The following BMPR2 variants were observed in gnomAD, a reference collection of about 807,000 sequenced individuals.
BMPR2 encodes the protein bone morphogenetic protein receptor type-2.
A neutral mutation model predicts 100.8 loss-of-function variants in BMPR2; 29 were observed. The ratio of observed to expected loss-of-function variants is 0.29; its 90% CI spans 0.21 to 0.39. The LOEUF is 0.39. Among genes scored for constraint, BMPR2 ranks in the 10% least tolerant of loss-of-function variants. BMPR2 has a pLI of 1.00. For missense variants in BMPR2, 1,011 were observed against 1,274.5 expected (o/e 0.79, Z 3.15); for synonymous variants, 382 against 442.3 (o/e 0.86, Z 1.71).
rs187544428 is a variant in BMPR2, at chr2:202,453,867, A to G, written c.77-10942A>G. 2.9e-3 allele frequency among the ~76,000 whole-genome samples: 442 copies of G among 152,304 alleles called. 2 individuals carry two copies. The highest frequency in any genetic ancestry group is 0.01 in the African/African-American group (427 of 41,564). ...AGAATAAATGCTTAAGGGGATGCAT[A>G]TGCCATTTACCCTGATGTGATTGTT... On this transcript the variant is annotated intron_variant, in intron 1 of 12. Transcript: ENST00000374580.
At chr2:202,438,604 C>T (rs1393723259) in intron 1 of BMPR2, among the ~76,000 whole-genome samples, 5 of 150,466 alleles carry the variant, frequency 3.3e-5, no homozygotes, top group East Asian at 1.9e-4. Flanking sequence ...TTACGTTTTG[C>T]GTTTCTGATC....
rs1690172056 is a variant in BMPR2, at chr2:202,377,377, A to G, written c.-98A>G. The G allele has an allele frequency of 2.7e-6, 3 of 1,116,824 alleles. No individual in the cohort carries two copies. Among genetic ancestry groups the G allele is most frequent in the Non-Finnish European group, 1.4e-6 (1 of 726,064 alleles). The allele number at this position is 1,116,824 out of a possible 1,614,324, so 69.2% of individuals were successfully genotyped here. A position where few individuals can be genotyped will look rare whatever the true frequency, so the allele number is the denominator to read the frequency against. ...ACTGTATTGTGATACGGGCAGGATC[A>G]GTCCACGGGAGAGAAGACGAGCCTC... On this transcript the variant is annotated 5_prime_UTR_variant, in exon 1 of 13. Coordinates refer to ENST00000374580, the MANE Select transcript of BMPR2 (RefSeq NM_001204.7).
intron 1 of BMPR2, among the ~76,000 whole-genome samples, chr2:202,463,780 T>TA (rs1692266893): frequency 2.6e-5 from 4 of 152,366 alleles, no homozygotes; most frequent in African/African-American, 9.6e-5. Flanking sequence ...AGATTGGCAT[T>TA]AAAAGTACAT....
intron 3 of BMPR2, among the ~76,000 whole-genome samples, chr2:202,471,622 G>A (rs917092265): frequency 5.9e-5 from 9 of 151,994 alleles, no homozygotes; most frequent in African/African-American, 1.9e-4. Flanking sequence ...ACAAAAAGGG[G>A]GATCGCATTT....
chr2:202,424,998 G>A lies in BMPR2; in HGVS notation c.77-39811G>A, dbSNP rs187327907. ...CCCAGAGATGGAGTCTCGCTCTGTC[G>A]CCCGGGCTGGAGTGCAGTGGTGCAA... On this transcript the variant is annotated intron_variant, in intron 1 of 12. Coordinates refer to ENST00000374580, the MANE Select transcript of BMPR2 (RefSeq NM_001204.7). Among the ~76,000 whole-genome samples, 32 of 151,458 alleles carry A rather than the reference G, an allele frequency of 2.1e-4. No individual in the cohort carries two copies. The East Asian group carries it at 3.9e-3, about 18-fold the overall frequency.
chr2:202,527,936 C>T (rs1687948744), intron 7 of BMPR2, among the ~76,000 whole-genome samples: 1 of 152,178 alleles, frequency 6.6e-6, no homozygotes, highest in Non-Finnish European at 1.5e-5. Context: ...GTAATCCCAG[C>T]ACTTTAGGAG....
intron 1 of BMPR2, among the ~76,000 whole-genome samples, chr2:202,447,878 G>C (rs1691883686): frequency 6.7e-6 from 1 of 150,362 alleles, no homozygotes; most frequent in Non-Finnish European, 1.5e-5. Flanking sequence ...TGTAGGTTAA[G>C]AATGTTTCTA....
chr2:202,434,922 TA>T (rs1559037453), intron 1 of BMPR2, among the ~76,000 whole-genome samples: 2 of 113,710 alleles, frequency 1.8e-5, no homozygotes, highest in African/African-American at 7.0e-5. Flanking sequence ...TATATATATA[TA>T]TATATATATA....
At chr2:202,405,485 G>A (rs965435783) in intron 1 of BMPR2, among the ~76,000 whole-genome samples, 5 of 151,856 alleles carry the variant, frequency 3.3e-5, no homozygotes, top group African/African-American at 7.3e-5. Flanking sequence ...TCAGGAGATC[G>A]AGACCATCTT....
chr2:202,460,588 A>G lies in BMPR2; in HGVS notation c.77-4221A>G, dbSNP rs145140623. ...AACAGACATTGTAGTACAAAATTGAATAAGAGGATTGGAAGAACACCTTGA... is the reference window on the plus strand; with the variant it reads ...AACAGACATTGTAGTACAAAATTGAGTAAGAGGATTGGAAGAACACCTTGA... On this transcript the variant is annotated intron_variant, in intron 1 of 12. Transcript: ENST00000374580. 3.8e-3 allele frequency among the ~76,000 whole-genome samples: 583 copies of G among 152,302 alleles called. 7 individuals are homozygous for G. Among genetic ancestry groups the G allele is most frequent in the Non-Finnish European group, 6.4e-3 (432 of 68,006 alleles).
intron 9 of BMPR2, among the ~76,000 whole-genome samples, chr2:202,535,662 T>C (rs1313280479): frequency 4.0e-5 from 6 of 151,764 alleles, no homozygotes; most frequent in African/African-American, 1.5e-4. Context: ...GCAGAGACGC[T>C]CCTCACTTCC....
intron 3 of BMPR2, among the ~76,000 whole-genome samples, chr2:202,498,661 AC>A (rs1693096386): frequency 6.6e-6 from 1 of 152,132 alleles, no homozygotes; most frequent in African/African-American, 2.4e-5. Context: ...CAACAGGCTC[AC>A]CCTTGAAATG....
chr2:202,448,630 G>A (rs900274286), intron 1 of BMPR2, among the ~76,000 whole-genome samples: 1 of 150,776 alleles, frequency 6.6e-6, no homozygotes, highest in African/African-American at 2.4e-5. Flanking sequence ...CTAATTTTTT[G>A]TATTTTTATT....
At chr2:202,524,824 G>A (rs1004326899) in intron 7 of BMPR2, among the ~76,000 whole-genome samples, 1 of 152,046 alleles carries the variant, frequency 6.6e-6, no homozygotes, top group Non-Finnish European at 1.5e-5. Flanking sequence ...CCTGAGGTCA[G>A]GAGTACGAGA....
intron 2 of BMPR2, among the ~76,000 whole-genome samples, 192 bp from the exon 3 acceptor site, chr2:202,467,327 C>T (rs1372821203): frequency 6.6e-6 from 1 of 152,116 alleles, no homozygotes; most frequent in East Asian, 1.9e-4. Flanking sequence ...GGCCTTTTCC[C>T]CCCCATGAAA....
intron 3 of BMPR2, among the ~76,000 whole-genome samples, chr2:202,477,259 CT>C (rs1692568203): frequency 6.6e-6 from 1 of 152,130 alleles, no homozygotes; most frequent in Non-Finnish European, 1.5e-5. Flanking sequence ...AAATAACTGT[CT>C]TTAAGTCATT....
chr2:202,500,062 G>A (rs13002564), intron 3 of BMPR2, among the ~76,000 whole-genome samples: 8,753 of 152,270 alleles, frequency 0.057, 346 homozygotes, highest in South Asian at 0.14. Context: ...GGGTCAGAAG[G>A]CCCAACCAGA....
intron 10 of BMPR2, among the ~76,000 whole-genome samples, chr2:202,545,185 C>G (rs1001747461): frequency 1.3e-5 from 2 of 151,170 alleles, no homozygotes; most frequent in Non-Finnish European, 3.0e-5. Context: ...TTTTTTCTCC[C>G]TCTATGTTTT....
At position 202,446,089 on chromosome 2, in the gene BMPR2, C is replaced by T. The variant is rs1033009576; in HGVS notation, c.77-18720C>T. On this transcript the variant is annotated intron_variant, in intron 1 of 12. Coordinates refer to ENST00000374580, the MANE Select transcript of BMPR2 (RefSeq NM_001204.7). ...GCGCCCGGCCACAAACAATTTTATACAAAGAATTTGAAATTTGAAAATTAA... is the reference window on the plus strand; with the variant it reads ...GCGCCCGGCCACAAACAATTTTATATAAAGAATTTGAAATTTGAAAATTAA... Among the ~76,000 whole-genome samples, 3 of 150,326 alleles carry T rather than the reference C, an allele frequency of 2.0e-5. 1 individual carries two copies. The highest frequency in any genetic ancestry group is 7.5e-5 in the African/African-American group (3 of 39,824).
Sources: allele counts gnomAD v4.1 joint callset (sites outside exome capture counted in the v4.1 genomes callset), GRCh38; gene constraint gnomAD v4.1.1; transcripts MANE v1.5; gene names NCBI Gene and HGNC (gene_info 2026-07-23, HGNC 2026-07-21).